Variants in ALOX12 observed in about 807,000 individuals in gnomAD.
ALOX12 encodes arachidonate 12-lipoxygenase, 12S type, also known as polyunsaturated fatty acid lipoxygenase ALOX12.
In ALOX12, 62 loss-of-function variants were observed where a neutral mutation model predicts 85.5. The ratio of observed to expected loss-of-function variants is 0.73; its 90% confidence interval spans 0.59 to 0.90. The LOEUF (loss-of-function observed/expected upper bound fraction) is 0.90, where lower values mean the gene tolerates loss of function less well. ALOX12 is among the 40% of genes least tolerant of loss of function. The probability of loss-of-function intolerance (pLI) is 0.00; values close to 1 mark genes in which losing one functional copy is unlikely to be tolerated. For missense variants in ALOX12, 751 were observed against 856.5 expected (o/e 0.88, Z 1.54); for synonymous variants, 299 against 332.7 (o/e 0.90, Z 1.10).
Position 7,000,734 on chromosome 17 carries a change from A to T in ALOX12, c.951+255A>T, listed in dbSNP as rs1908667642. Among the ~76,000 whole-genome samples, 1 of 152,074 alleles carries T rather than the reference A, an allele frequency of 6.6e-6. No homozygotes were observed. ...TCACACTTCAGTGTGCATCAGAATC[A>T]CCTGAATGCCTGTTGAAATGCAGAT... On this transcript the variant is annotated intron_variant, in intron 7 of 13. Transcript: ENST00000251535. The surrounding 1 kb of genome is among the most constrained non-coding windows in gnomAD (Gnocchi z 4.6).
At position 7,006,477 on chromosome 17, in the gene ALOX12, C is replaced by T. The variant is rs373968233; in HGVS notation, c.1419-9C>T. On this transcript the variant is annotated splice_polypyrimidine_tract_variant and intron_variant, in intron 10 of 13. Transcript: ENST00000251535. ...TTTCTGCCCTCAAGTGCCTTTTCCC[C>T]CTGGGCAGGTATGTGGAGGGGATCG... The T allele has an allele frequency of 3.7e-6, 6 of 1,613,350 alleles. No individual in the cohort carries two copies. Among genetic ancestry groups the T allele is most frequent in the Admixed American group, 1.7e-5 (1 of 59,978 alleles).
intron 8 of ALOX12, among the ~76,000 whole-genome samples, chr17:7,004,701 C>T (rs900664780): frequency 6.6e-6 from 1 of 152,058 alleles, no homozygotes; most frequent in African/African-American, 2.4e-5. Context: ...GTATTCTCCC[C>T]ATCCATCCCC....
intron 8 of ALOX12, chr17:7,002,386 T>C (rs1014830716): frequency 9.6e-6 from 4 of 416,124 alleles, no homozygotes; most frequent in African/African-American, 4.2e-5. Context: ...AGGGAGGAAA[T>C]GGTAGCTGCA....
intron 8 of ALOX12, among the ~76,000 whole-genome samples, chr17:7,003,440 T>G (rs575482150): frequency 1.3e-4 from 20 of 152,318 alleles, no homozygotes; most frequent in Non-Finnish European, 2.4e-4. Flanking sequence ...AATTTTTTTT[T>G]TTCAGAGACA....
chr17:6,996,324 C>A, intron 1 of ALOX12, 72 bp downstream of exon 1: 1 of 1,194,236 alleles, frequency 8.4e-7, no homozygotes. Context: ...GCTGGGCTCG[C>A]GGCGGGAGGG....
Position 7,005,982 on chromosome 17 carries a change from C to G in ALOX12, c.1373C>G (p.Ala458Gly). ...ADRGLLGLPG[A>G]LYAHDALRLW... is the part of the protein sequence containing the mutation. The stretch of plus-strand genomic sequence containing the variant: ...CGGGGCCTGCTGGGACTCCCAGGTG[C>G]TCTCTATGCCCATGATGCTTTACGG... Residue 458 changes from alanine (A) to glycine (G), a missense_variant, in exon 10 of 14, where the codon GCT becomes GGT. Physicochemically the swap from Ala to Gly is moderately conservative, Grantham distance 60. Transcript: ENST00000251535. The G allele has an allele frequency of 6.2e-7, 1 of 1,600,824 alleles. No individual in the cohort carries two copies. The highest frequency in any genetic ancestry group is 8.5e-7 in the Non-Finnish European group (1 of 1,175,708).
chr17:6,998,513 C>A lies in ALOX12; in HGVS notation c.342C>A (p.Arg114=), dbSNP rs547638383. The A allele has an allele frequency of 8.7e-6, 14 of 1,612,266 alleles. No homozygotes were observed. Among genetic ancestry groups the A allele is most frequent in the Admixed American group, 8.3e-5 (5 of 59,968 alleles). Reference sequence around the variant, plus strand: ...ATTGTCTTGATGTCTCCCCAGCCCGCCTGCCAGGAGACAATGCTTTGGACA... The same window carrying A: ...ATTGTCTTGATGTCTCCCCAGCCCGACTGCCAGGAGACAATGCTTTGGACA... ...DILSLPEGTA[R]LPGDNALDMF... Residue 114 remains arginine (R), a synonymous_variant, in exon 3 of 14, where the codon CGC becomes CGA. Coordinates refer to ENST00000251535, the MANE Select transcript of ALOX12 (RefSeq NM_000697.3).
Position 7,004,077 on chromosome 17 carries a change from T to TA in ALOX12, c.1162-1180_1162-1179insA, listed in dbSNP as rs1908860862. ...TTTTAATTTAATAAATTTTAATTTA[T>TA]TAAAATTAAAATTTTAATTTAATAT... On this transcript the variant is annotated intron_variant, in intron 8 of 13. Coordinates refer to ENST00000251535, the MANE Select transcript of ALOX12 (RefSeq NM_000697.3). 1.1e-4 allele frequency among the ~76,000 whole-genome samples: 12 copies of TA among 107,798 alleles called. No homozygotes were observed. In the South Asian group the frequency reaches 1.6e-3, roughly 14 times the overall value. 70.7% of individuals were successfully genotyped at this position (107,798 alleles called of 152,430 possible). A position where few individuals can be genotyped will look rare whatever the true frequency, so the allele number is the denominator to read the frequency against.
intron 10 of ALOX12, among the ~76,000 whole-genome samples, 181 bp downstream of exon 10, chr17:7,006,208 G>A (rs1020295940): frequency 5.9e-5 from 9 of 151,296 alleles, no homozygotes; most frequent in African/African-American, 2.2e-4. Flanking sequence ...CTGGGATGAG[G>A]CAGAGAGAGG....
intron 11 of ALOX12, 124 bp downstream of exon 11, chr17:7,006,731 G>C: frequency 1.5e-6 from 2 of 1,317,120 alleles, no homozygotes. Flanking sequence ...CCTCCACACG[G>C]GAAAGCATGT....
rs76734990 is a variant in ALOX12, at chr17:6,999,476, C to T, written c.807+10C>T. The T allele has an allele frequency of 6.2e-7, 1 of 1,613,540 alleles. No homozygotes were observed. Among genetic ancestry groups the T allele is most frequent in the African/African-American group, 1.3e-5 (1 of 75,044 alleles). On this transcript the variant is annotated intron_variant, in intron 6 of 13. Coordinates refer to ENST00000251535, the MANE Select transcript of ALOX12 (RefSeq NM_000697.3). ...GGAGAAAGAACTTCAGGTACCTCTC[C>T]TTCCCCTGCCTGGCACTGTTCTCTC...
chr17:6,996,336 G>T, intron 1 of ALOX12, 84 bp downstream of exon 1: 17 of 1,203,260 alleles, frequency 1.4e-5, no homozygotes, highest in Non-Finnish European at 1.8e-5. Context: ...GCGGGAGGGC[G>T]GGAGGCTGGG....
chr17:7,000,338 TG>T lies in ALOX12; in HGVS notation c.812del (p.Gly271ValfsTer18), dbSNP rs760484804. 1.2e-6 allele frequency: 2 copies of T among 1,614,020 alleles called. No individual in the cohort carries two copies. The highest frequency in any genetic ancestry group is 1.7e-5 in the Admixed American group (1 of 60,002). The stretch of plus-strand genomic sequence containing the variant: ...GGATACATCCCTCCTGTCCCCAGAA[TG>T]GTTCCCTGTTTGAAGCTGACTTCAT... ...QAQLEKELQNGSLFEADFILL... is the reference protein window; with the variant it reads ...QAQLEKELQNXSLFEADFILL... On this transcript the variant is annotated frameshift_variant, in exon 7 of 14. Coordinates refer to ENST00000251535, the MANE Select transcript of ALOX12 (RefSeq NM_000697.3). LOFTEE classifies it high-confidence loss of function. The surrounding 1 kb of genome is among the most constrained non-coding windows in gnomAD (Gnocchi z 4.6).
At chr17:7,005,473 T>G in intron 9 of ALOX12, 130 bp downstream of exon 9, 2 of 453,358 alleles carry the variant, frequency 4.4e-6, no homozygotes, top group Non-Finnish European at 3.7e-6. Flanking sequence ...TATACCCATG[T>G]CTTTTTTTTT....
At chr17:7,001,085 C>T in intron 7 of ALOX12, 1 of 160,386 alleles carries the variant, frequency 6.2e-6, no homozygotes, top group South Asian at 1.7e-4. Context: ...TAGCTGGGAC[C>T]ACAGGCATGT....
chr17:6,999,562 T>A, intron 6 of ALOX12, 96 bp downstream of exon 6: 1 of 1,355,178 alleles, frequency 7.4e-7, no homozygotes, highest in Non-Finnish European at 1.0e-6. Context: ...AAGGCTGCAG[T>A]ACTGCATTGC....
rs1908722268 is a variant in ALOX12, at chr17:7,001,748, G to C, written c.1098G>C (p.Leu366=). Reference sequence around the variant, plus strand: ...AGTATCACTTGCTGAACACTCACCTGGTGGCTGAGGTCATCGCTGTCGCCA... The same window carrying C: ...AGTATCACTTGCTGAACACTCACCTCGTGGCTGAGGTCATCGCTGTCGCCA... ...EIQYHLLNTH[L]VAEVIAVATM... Residue 366 remains leucine, a synonymous_variant, in exon 8 of 14, where the codon CTG becomes CTC. Coordinates refer to ENST00000251535, the MANE Select transcript of ALOX12 (RefSeq NM_000697.3). The C allele has an allele frequency of 1.2e-6, 2 of 1,614,036 alleles. No individual in the cohort carries two copies. Among genetic ancestry groups the C allele is most frequent in the South Asian group, 1.1e-5 (1 of 91,078 alleles).
In ALOX12 at chr17:7,001,809, A is replaced by G; in HGVS notation, c.1159A>G (p.Lys387Glu). 19 of 1,613,412 alleles carry G rather than the reference A, an allele frequency of 1.2e-5. No homozygotes were observed. The highest frequency in any genetic ancestry group is 1.5e-5 in the Non-Finnish European group (18 of 1,179,410). Reference sequence around the variant, plus strand: ...CCTCCCAGGACTGCACCCCATCTTCAAGGTACTTATTAATCTATTAAATCA... The same window carrying G: ...CCTCCCAGGACTGCACCCCATCTTCGAGGTACTTATTAATCTATTAAATCA... ...RCLPGLHPIF[K>E]FLIPHIRYTM... Residue 387 changes from lysine to glutamate, a missense_variant and splice_region_variant, in exon 8 of 14, where the codon AAG (lysine) becomes GAG (glutamate). Transcript: ENST00000251535.
At position 6,998,521 on chromosome 17, in the gene ALOX12, G is replaced by A; in HGVS notation, c.350G>A (p.Gly117Glu). ...GATGTCTCCCCAGCCCGCCTGCCAGGAGACAATGCTTTGGACATGTTCCAG... is the reference window on the plus strand; with the variant it reads ...GATGTCTCCCCAGCCCGCCTGCCAGAAGACAATGCTTTGGACATGTTCCAG... The part of the protein sequence containing the change: ...SLPEGTARLP[G>E]DNALDMFQKH... Residue 117 changes from glycine (G) to glutamate (E), a missense_variant, in exon 3 of 14, where the codon GGA becomes GAA. Physicochemically the swap from Gly to Glu is moderately conservative, Grantham distance 98. Transcript: ENST00000251535. 1 of 1,613,698 alleles carries A rather than the reference G, an allele frequency of 6.2e-7. No homozygotes were observed. Among genetic ancestry groups the A allele is most frequent in the South Asian group, 1.1e-5 (1 of 90,940 alleles).
Sources: gnomAD v4.1 joint callset for allele counts (sites outside exome capture counted in the v4.1 genomes callset) on GRCh38, gnomAD v4.1.1 for gene constraint, Gnocchi (gnomAD v3.1) non-coding constraint, MANE v1.5 for transcripts, NCBI Gene and HGNC (gene_info 2026-07-23, HGNC 2026-07-21) for gene names.